The following ADPRHL1 variants were observed in gnomAD, a reference collection of about 807,000 sequenced individuals.
The protein encoded by ADPRHL1 is ADP-ribosylhydrolase like 1, also known as inactive ADP-ribosyltransferase ARH2.
In ADPRHL1, 43 loss-of-function variants were observed where a neutral mutation model predicts 44.1. The observed-to-expected ratio is 0.98, with a 90% CI of 0.76 to 1.26. The LOEUF (loss-of-function observed/expected upper bound fraction) is 1.26, where lower values mean the gene tolerates loss of function less well. ADPRHL1 is among the 50% of genes most tolerant of loss of function. ADPRHL1 has a pLI of 0.00. For missense variants in ADPRHL1, 2,022 were observed against 2,496.9 expected (o/e 0.81, Z 4.05); for synonymous variants, 878 against 1,017.4 (o/e 0.86, Z 2.61).
chr13:113,446,125 C>T (rs1218278260), intron 1 of ADPRHL1, among the ~76,000 whole-genome samples: 5 of 139,790 alleles, frequency 3.6e-5, no homozygotes, highest in African/African-American at 1.3e-4. Context: ...AGCTGCAGGC[C>T]CCCCCTCCCC....
At position 113,403,294 on chromosome 13, in the gene ADPRHL1, G is replaced by T. The variant is rs531662237; in HGVS notation, c.*84C>A. ...GTCTCTGTAGGGGATGCTCCAAGAC[G>T]CATTTGGAGGCAGGAAAATGCCTGA... is the stretch of plus-strand genomic sequence containing the variant. On this transcript the variant is annotated 3_prime_UTR_variant, in exon 8 of 8. Transcript: ENST00000612156. 2.7e-6 allele frequency: 3 copies of T among 1,115,918 alleles called. No individual in the cohort carries two copies. The highest frequency in any genetic ancestry group is 4.6e-5 in the South Asian group (1 of 21,522). 69.1% of individuals were successfully genotyped at this position (1,115,918 alleles called of 1,614,324 possible).
chr13:113,408,680 T>G (rs138885878), intron 7 of ADPRHL1, among the ~76,000 whole-genome samples: 145 of 152,314 alleles, frequency 9.5e-4, no homozygotes, highest in African/African-American at 3.2e-3. Flanking sequence ...TAACAGCATA[T>G]TTAAATTCTG....
intron 2 of ADPRHL1, among the ~76,000 whole-genome samples, chr13:113,436,463 A>G (rs1381110616): frequency 2.7e-4 from 1 of 3,718 alleles, no homozygotes. Context: ...TGCAGGGTGA[A>G]CATAGGTGTA....
intron 3 of ADPRHL1, among the ~76,000 whole-genome samples, chr13:113,430,331 G>C (rs779593291): frequency 1.8e-4 from 28 of 152,218 alleles, no homozygotes; most frequent in Non-Finnish European, 3.5e-4. Context: ...CCCTGGAGGG[G>C]CTGCCTCTTC....
intron 2 of ADPRHL1, among the ~76,000 whole-genome samples, chr13:113,434,510 C>G (rs1268584341): frequency 2.0e-5 from 3 of 150,740 alleles, no homozygotes; most frequent in Non-Finnish European, 4.4e-5. Flanking sequence ...CCCCGGGACC[C>G]AGCATCCACA....
intron 4 of ADPRHL1, among the ~76,000 whole-genome samples, chr13:113,425,596 T>A (rs1283598596): frequency 3.9e-5 from 6 of 151,948 alleles, no homozygotes; most frequent in Admixed American, 2.0e-4. Flanking sequence ...GATCTCGAAC[T>A]CCTGACCTCA....
chr13:113,415,418 C>G (rs576544850), intron 7 of ADPRHL1, among the ~76,000 whole-genome samples: 2 of 152,140 alleles, frequency 1.3e-5, no homozygotes, highest in Admixed American at 6.5e-5. Context: ...GCTCAGTGGC[C>G]GGCTCCAGGC....
chr13:113,428,178 A>T (rs2043980495), intron 4 of ADPRHL1, among the ~76,000 whole-genome samples: 1 of 140,408 alleles, frequency 7.1e-6, no homozygotes, highest in Non-Finnish European at 1.5e-5. Flanking sequence ...TGGGAGGCAG[A>T]GGTTGCAGTG....
At chr13:113,428,837 C>T (rs1225336029) in intron 4 of ADPRHL1, 115 bp downstream of exon 4, 1 of 1,488,826 alleles carries the variant, frequency 6.7e-7, no homozygotes, top group Non-Finnish European at 9.1e-7. Context: ...CCGGACAGGG[C>T]CCTCCCAGTT....
At chr13:113,444,955 T>C (rs560626261) in intron 1 of ADPRHL1, among the ~76,000 whole-genome samples, 1 of 152,310 alleles carries the variant, frequency 6.6e-6, no homozygotes, top group Admixed American at 6.5e-5. Context: ...GTTCCATCTA[T>C]GTGGCCACAA....
rs2043818627 is a variant in ADPRHL1 at position 113,407,587 on chromosome 13, G to A, written c.1695C>T (p.Ala565=). ...FEQNSCLCSE[A]SALRLHTQER... ...CCTGCGTGTGCAGCCTCAGCGCACT[G>A]GCCTCGGAGCACAGGCAGCTGTTCT... Residue 565 remains alanine (A), a synonymous_variant, in exon 8 of 8, where the codon GCC becomes GCT. Transcript: ENST00000612156. 15 of 1,232,176 alleles carry A rather than the reference G, an allele frequency of 1.2e-5. No homozygotes were observed. Among genetic ancestry groups the A allele is most frequent in the Non-Finnish European group, 1.5e-5 (15 of 988,070 alleles). The allele number at this position is 1,232,176 out of a possible 1,614,324, so 76.3% of individuals were successfully genotyped here.
At chr13:113,435,939 G>A (rs1273871078) in intron 2 of ADPRHL1, among the ~76,000 whole-genome samples, 3 of 141,074 alleles carry the variant, frequency 2.1e-5, no homozygotes, top group African/African-American at 2.7e-5. Context: ...CCCGGGACCT[G>A]GCACCCAGGT....
At chr13:113,425,410 CTTTT>C in intron 4 of ADPRHL1, among the ~76,000 whole-genome samples, 1 of 152,334 alleles carries the variant, frequency 6.6e-6, no homozygotes, top group Non-Finnish European at 1.5e-5. Flanking sequence ...TTCTTTCTTT[CTTTT>C]TTTCCTGAGA....
intron 4 of ADPRHL1, among the ~76,000 whole-genome samples, chr13:113,425,684 C>CCT (rs1566473505): frequency 7.5e-6 from 1 of 133,896 alleles, no homozygotes; most frequent in Non-Finnish European, 1.6e-5. Context: ...TTTTTTCTTT[C>CCT]TTTTTTTTTT....
chr13:113,428,579 C>T (rs773474048), intron 4 of ADPRHL1, among the ~76,000 whole-genome samples: 2 of 152,246 alleles, frequency 1.3e-5, no homozygotes, highest in African/African-American at 4.8e-5. Context: ...TCGCCCAAAC[C>T]GGCAGAAGCA....
chr13:113,401,103 C>T lies in ADPRHL1; in HGVS notation c.*2275G>A, dbSNP rs927143603. 2.6e-5 allele frequency: 4 copies of T among 152,168 alleles called. No homozygotes were observed. Among genetic ancestry groups the T allele is most frequent in the African/African-American group, 7.2e-5 (3 of 41,438 alleles). 9.4% of individuals were successfully genotyped at this position (152,168 alleles called of 1,614,324 possible). ...AATAGGTAAAGAGTGAGGGCCGTGC[C>T]GCTGTGCCTGGAGTGGCAGGGGCAG... On this transcript the variant is annotated 3_prime_UTR_variant, in exon 8 of 8. Transcript: ENST00000612156. This position sits in a 1 kb window ranked among gnomAD's most constrained non-coding sequence, Gnocchi z 5.5.
At chr13:113,443,575 C>T (rs1471764360) in intron 2 of ADPRHL1, among the ~76,000 whole-genome samples, 2 of 151,922 alleles carry the variant, frequency 1.3e-5, no homozygotes, top group African/African-American at 4.8e-5. Flanking sequence ...GCCATGACTG[C>T]ACCACTGCAC....
intron 7 of ADPRHL1, chr13:113,422,068 ACAGCGCTTCCTCGTCAGCGAG>A (rs2043927820): frequency 6.6e-6 from 1 of 152,394 alleles, no homozygotes; most frequent in African/African-American, 2.4e-5. Context: ...CATCACAGGG[ACAGCGCTTCCTCGTCAGCGAG>A]CCCGATGGGG....
At position 113,441,269 on chromosome 13, in the gene ADPRHL1, C is replaced by A. The variant is rs145574578; in HGVS notation, c.379+3156G>T. Among the ~76,000 whole-genome samples the A allele has an allele frequency of 6.6e-6, 1 of 152,128 alleles. No individual in the cohort carries two copies. Among genetic ancestry groups the A allele is most frequent in the African/African-American group, 2.4e-5 (1 of 41,422 alleles). Reference sequence around the variant, plus strand: ...GGGTCTTCACACCATTCGCATTTGGCGTCATTATTATTATCTTGTTTGTTT... The same window carrying A: ...GGGTCTTCACACCATTCGCATTTGGAGTCATTATTATTATCTTGTTTGTTT... On this transcript the variant is annotated intron_variant, in intron 2 of 7. Transcript: ENST00000612156. The surrounding 1 kb of genome is among the most constrained non-coding windows in gnomAD (Gnocchi z 6.0).
Sources: allele counts gnomAD v4.1 joint callset (sites outside exome capture counted in the v4.1 genomes callset), GRCh38; gene constraint gnomAD v4.1.1; non-coding constraint Gnocchi (gnomAD v3.1); transcripts MANE v1.5; gene names NCBI Gene and HGNC (gene_info 2026-07-23, HGNC 2026-07-21).